The following CCDC39 variants were observed in gnomAD, a reference collection of about 807,000 sequenced individuals.
CCDC39 encodes the protein coiled-coil domain-containing protein 39.
In CCDC39, 113 loss-of-function variants were observed where a neutral mutation model predicts 121.0. That is an observed-to-expected ratio of 0.93 (90% CI 0.80 to 1.09). The LOEUF (loss-of-function observed/expected upper bound fraction) is 1.09, where lower values mean the gene tolerates loss of function less well. Among genes scored for constraint, CCDC39 ranks in the 50% least tolerant of loss-of-function variants. The pLI is 0.00. For synonymous variants in CCDC39, 349 were observed against 352.2 expected (o/e 0.99, Z 0.10); for missense variants, 1,063 against 1,074.7 (o/e 0.99, Z 0.15).
intron 14 of CCDC39, among the ~76,000 whole-genome samples, chr3:180,627,447 G>T (rs1463833284): frequency 1.4e-4 from 22 of 152,098 alleles, no homozygotes; most frequent in Admixed American, 1.4e-3. Context: ...AGTTGAATTT[G>T]TTCATTTTAT....
chr3:180,634,689 G>A (rs1717784736), intron 13 of CCDC39, among the ~76,000 whole-genome samples: 1 of 152,176 alleles, frequency 6.6e-6, no homozygotes, highest in Non-Finnish European at 1.5e-5. Flanking sequence ...AGCACTGAGA[G>A]AGAGCATGAC....
intron 13 of CCDC39, among the ~76,000 whole-genome samples, chr3:180,641,623 A>G (rs958282704): frequency 6.6e-6 from 1 of 152,176 alleles, no homozygotes; most frequent in African/African-American, 2.4e-5. Flanking sequence ...AATTGACAGT[A>G]ACATTAAAGA....
intron 6 of CCDC39, among the ~76,000 whole-genome samples, chr3:180,657,580 A>G (rs1711612594): frequency 6.6e-6 from 1 of 152,110 alleles, no homozygotes; most frequent in East Asian, 1.9e-4. Context: ...TGAGCTGTGT[A>G]CTCATGTCTT....
At chr3:180,659,648 T>C in intron 5 of CCDC39, 29 bp downstream of exon 5, 1 of 1,604,444 alleles carries the variant, frequency 6.2e-7, no homozygotes, top group Non-Finnish European at 8.5e-7. Flanking sequence ...CCTTGAAAAT[T>C]AAGAAATAAA....
rs1389546787 is a variant in CCDC39, at chr3:180,660,624, A to T, written c.462T>A (p.Asp154Glu). ...ACTTCTGGAGAGTGAGAGCATCACTATCTTTATGAGCTGATTCTTCTAACC... is the reference window on the plus strand; with the variant it reads ...ACTTCTGGAGAGTGAGAGCATCACTTTCTTTATGAGCTGATTCTTCTAACC... ...EAWLEESAHK[D>E]SDALTLQKYA... The change falls in exon 4 of 20, where the codon GAT becomes GAA. Residue 154 changes from aspartate to glutamate, a missense_variant. Asp to Glu is a conservative substitution (Grantham distance 45). Transcript: ENST00000476379. 4.4e-6 allele frequency: 7 copies of T among 1,602,292 alleles called. No individual in the cohort carries two copies. The highest frequency in any genetic ancestry group is 4.5e-5 in the East Asian group (2 of 44,730).
At chr3:180,667,127 T>C (rs1234986474) in intron 1 of CCDC39, among the ~76,000 whole-genome samples, 1 of 152,150 alleles carries the variant, frequency 6.6e-6, no homozygotes, top group Non-Finnish European at 1.5e-5. Flanking sequence ...AGATAATTGA[T>C]ACATTCCAAA....
chr3:180,616,059 G>GA (rs1717223608), intron 19 of CCDC39, among the ~76,000 whole-genome samples: 1 of 152,190 alleles, frequency 6.6e-6, no homozygotes, highest in African/African-American at 2.4e-5. Flanking sequence ...GGCTATACTG[G>GA]AAATAGTGAC....
At chr3:180,674,791 G>A (rs1712145991) in intron 1 of CCDC39, among the ~76,000 whole-genome samples, 1 of 152,054 alleles carries the variant, frequency 6.6e-6, no homozygotes. Context: ...TTATTGATTT[G>A]CATATGTTGA....
intron 11 of CCDC39, among the ~76,000 whole-genome samples, chr3:180,645,657 A>G (rs1718051296): frequency 6.6e-6 from 1 of 152,142 alleles, no homozygotes; most frequent in Admixed American, 6.6e-5. Context: ...CTGTATGTAA[A>G]ATGAGATGGA....
chr3:180,677,530 T>C (rs1339638874), intron 1 of CCDC39, among the ~76,000 whole-genome samples: 1 of 151,990 alleles, frequency 6.6e-6, no homozygotes, highest in East Asian at 1.9e-4. Flanking sequence ...TTCAGTAATC[T>C]ATATTTGAAA....
chr3:180,644,090 A>G, intron 12 of CCDC39, 30 bp downstream of exon 12: 2 of 1,476,972 alleles, frequency 1.4e-6, no homozygotes, highest in Non-Finnish European at 1.8e-6. Flanking sequence ...ATGGTTTTCA[A>G]TACTACATAT....
intron 13 of CCDC39, among the ~76,000 whole-genome samples, chr3:180,634,359 G>A (rs1717777067): frequency 6.6e-6 from 1 of 152,104 alleles, no homozygotes; most frequent in African/African-American, 2.4e-5. Flanking sequence ...GAGGAAGCCA[G>A]TCCATCTCCC....
At chr3:180,646,001 A>G (rs1718059389) in intron 11 of CCDC39, among the ~76,000 whole-genome samples, 1 of 152,122 alleles carries the variant, frequency 6.6e-6, no homozygotes, top group Admixed American at 6.6e-5. Context: ...AATAATCAAA[A>G]CAATACCACA....
intron 1 of CCDC39, among the ~76,000 whole-genome samples, chr3:180,677,600 A>C (rs887943804): frequency 6.6e-6 from 1 of 152,112 alleles, no homozygotes; most frequent in African/African-American, 2.4e-5. Flanking sequence ...GAATTTTTTT[A>C]GCAATCAGCA....
intron 14 of CCDC39, among the ~76,000 whole-genome samples, chr3:180,622,529 T>C (rs1717454948): frequency 1.3e-5 from 2 of 152,166 alleles, no homozygotes; most frequent in Admixed American, 6.5e-5. Flanking sequence ...CCCCATTCGA[T>C]ACGATGTTGG....
At chr3:180,656,834 C>T (rs1383819412) in intron 6 of CCDC39, among the ~76,000 whole-genome samples, 1 of 152,172 alleles carries the variant, frequency 6.6e-6, no homozygotes, top group African/African-American at 2.4e-5. Context: ...CCACCAGCAC[C>T]ATGGCAGTTT....
intron 13 of CCDC39, among the ~76,000 whole-genome samples, chr3:180,636,677 C>T (rs1404382721): frequency 2.6e-5 from 4 of 152,126 alleles, no homozygotes; most frequent in Non-Finnish European, 4.4e-5. Flanking sequence ...TACCCAACTT[C>T]GAAGTACACT....
At chr3:180,652,394 T>A (rs1450882468) in intron 7 of CCDC39, 128 bp from the exon 8 acceptor site, 1 of 510,050 alleles carries the variant, frequency 2.0e-6, no homozygotes, top group African/African-American at 2.0e-5. Context: ...AGTAGCCATT[T>A]TTTTATATTT....
chr3:180,655,661 T>A (rs1184039282), intron 6 of CCDC39, among the ~76,000 whole-genome samples: 1 of 151,724 alleles, frequency 6.6e-6, no homozygotes, highest in Non-Finnish European at 1.5e-5. Context: ...AGTTAAAGTG[T>A]AGGGTGGGAA....
Sources: allele counts gnomAD v4.1 joint callset (sites outside exome capture counted in the v4.1 genomes callset), GRCh38; gene constraint gnomAD v4.1.1; transcripts MANE v1.5; gene names NCBI Gene and HGNC (gene_info 2026-07-23, HGNC 2026-07-21).